RAB2A: variants seen among roughly 807,000 people sequenced by gnomAD.
RAB2A encodes ras-related protein Rab-2A.
RAB2A carries 7 observed loss-of-function variants against 32.5 expected under a neutral mutation model. The observed-to-expected ratio is 0.22, with a 90% CI of 0.12 to 0.40. The LOEUF is 0.40. Ranked by LOEUF, RAB2A falls within the 10% of genes least tolerant of loss-of-function variation. The probability of loss-of-function intolerance (pLI) is 1.00; values close to 1 mark genes in which losing one functional copy is unlikely to be tolerated. For missense variants in RAB2A, 108 were observed against 260.7 expected (o/e 0.41, Z 4.03); for synonymous variants, 79 against 85.2 (o/e 0.93, Z 0.40).
At chr8:60,604,889 A>G (rs1415332511) in intron 6 of RAB2A, among the ~76,000 whole-genome samples, 2 of 152,248 alleles carry the variant, frequency 1.3e-5, no homozygotes, top group Non-Finnish European at 2.9e-5. Flanking sequence ...AGTCCATTTC[A>G]GGAGAGGAAT....
chr8:60,618,236 A>G (rs1322631506), intron 6 of RAB2A, among the ~76,000 whole-genome samples: 6 of 152,346 alleles, frequency 3.9e-5, no homozygotes, highest in Non-Finnish European at 7.3e-5. Flanking sequence ...TTCAGCCTTC[A>G]TCTTCGAATA....
At chr8:60,586,893 G>A (rs1396446091) in intron 5 of RAB2A, among the ~76,000 whole-genome samples, 2 of 148,080 alleles carry the variant, frequency 1.4e-5, no homozygotes, top group Non-Finnish European at 3.0e-5. Context: ...TGTGCCACCT[G>A]CACTCCAGCC....
intron 1 of RAB2A, among the ~76,000 whole-genome samples, chr8:60,548,558 A>G (rs1423644768): frequency 8.7e-6 from 1 of 115,412 alleles, no homozygotes; most frequent in African/African-American, 3.7e-5. Flanking sequence ...CTGGCCGGGC[A>G]GAGGGGATCC....
At chr8:60,584,946 AG>A (rs1167070700) in intron 5 of RAB2A, 131 bp downstream of exon 5, 1 of 550,296 alleles carries the variant, frequency 1.8e-6, no homozygotes, top group East Asian at 3.3e-5. Context: ...GGAAATTCTA[AG>A]GTGTTTCTTT....
intron 1 of RAB2A, chr8:60,551,882 G>T (rs1807854094): frequency 1.0e-5 from 1 of 96,702 alleles, no homozygotes; most frequent in Non-Finnish European, 2.0e-5. Context: ...TTTTTTTTTG[G>T]AGACAGAGCC....
intron 5 of RAB2A, among the ~76,000 whole-genome samples, chr8:60,587,210 A>C (rs1375675499): frequency 2.0e-5 from 3 of 152,156 alleles, no homozygotes; most frequent in African/African-American, 7.2e-5. Flanking sequence ...AAGTAGATTC[A>C]TATATATATG....
At chr8:60,534,372 T>C (rs1807526677) in intron 1 of RAB2A, among the ~76,000 whole-genome samples, 1 of 152,114 alleles carries the variant, frequency 6.6e-6, no homozygotes, top group Non-Finnish European at 1.5e-5. Context: ...GGTAGGAGGA[T>C]TGCTTGAGGC....
chr8:60,572,194 T>G, intron 3 of RAB2A, 81 bp downstream of exon 3: 1 of 1,058,762 alleles, frequency 9.4e-7, no homozygotes, highest in Non-Finnish European at 1.4e-6. Flanking sequence ...TTAATGTTAT[T>G]ATATGCCTGT....
At chr8:60,617,575 T>C (rs1292414350) in intron 6 of RAB2A, among the ~76,000 whole-genome samples, 1 of 152,102 alleles carries the variant, frequency 6.6e-6, no homozygotes, top group East Asian at 1.9e-4. Flanking sequence ...ATAAAATTGA[T>C]GCTTTTAAAC....
intron 1 of RAB2A, among the ~76,000 whole-genome samples, chr8:60,520,908 C>T (rs1038089293): frequency 2.6e-5 from 4 of 152,174 alleles, no homozygotes; most frequent in Non-Finnish European, 5.9e-5. Flanking sequence ...CTTCAGTCTC[C>T]TGGGCCTAAG....
chr8:60,590,756 A>G (rs1366212364), intron 5 of RAB2A, among the ~76,000 whole-genome samples: 1 of 151,834 alleles, frequency 6.6e-6, no homozygotes, highest in Middle Eastern at 3.2e-3. Flanking sequence ...TTATATGGAT[A>G]AATTTGAAAA....
rs1259636299 is a variant in RAB2A at position 60,558,937 on chromosome 8, A to G, written c.118+14A>G. 6.3e-7 allele frequency: 1 copy of G among 1,584,056 alleles called. No individual in the cohort carries two copies. The highest frequency in any genetic ancestry group is 1.3e-5 in the African/African-American group (1 of 74,154). On this transcript the variant is annotated intron_variant, in intron 2 of 7. Coordinates refer to ENST00000262646, the MANE Select transcript of RAB2A (RefSeq NM_002865.3). ...ACCTTACTATTGGTAAGTTTTATAAAAGGGATGAGAAGCACTAAAAGTTTT... is the reference window on the plus strand; with the variant it reads ...ACCTTACTATTGGTAAGTTTTATAAGAGGGATGAGAAGCACTAAAAGTTTT...
chr8:60,583,918 C>A, intron 3 of RAB2A: 1 of 257,168 alleles, frequency 3.9e-6, no homozygotes, highest in Non-Finnish European at 7.8e-6. Context: ...TATTGTGAAG[C>A]CATTCAGTAA....
chr8:60,547,209 G>T (rs1307229651), intron 1 of RAB2A, among the ~76,000 whole-genome samples: 10 of 152,154 alleles, frequency 6.6e-5, no homozygotes, highest in African/African-American at 2.2e-4. Context: ...ACACAGGGTT[G>T]GGGGTAAGGT....
chr8:60,589,004 A>G (rs1042219441), intron 5 of RAB2A, among the ~76,000 whole-genome samples: 2 of 152,218 alleles, frequency 1.3e-5, no homozygotes, highest in South Asian at 4.1e-4. Flanking sequence ...ATTCTTTTCC[A>G]CATTTAAATC....
intron 1 of RAB2A, among the ~76,000 whole-genome samples, chr8:60,554,044 ATC>A (rs1197286694): frequency 6.6e-6 from 1 of 152,208 alleles, no homozygotes; most frequent in Non-Finnish European, 1.5e-5. Context: ...CATAGTATTA[ATC>A]TCTTAGAGTA....
chr8:60,540,121 T>C (rs1417326528), intron 1 of RAB2A, among the ~76,000 whole-genome samples: 1 of 150,828 alleles, frequency 6.6e-6, no homozygotes, highest in African/African-American at 2.4e-5. Context: ...TATATATTCA[T>C]ATTTTAATAT....
At chr8:60,539,950 G>T (rs1041955186) in intron 1 of RAB2A, among the ~76,000 whole-genome samples, 3 of 151,970 alleles carry the variant, frequency 2.0e-5, no homozygotes, top group East Asian at 1.9e-4. Flanking sequence ...GAGAAATAAG[G>T]CTGGAAAGAT....
At chr8:60,584,130 T>C in intron 3 of RAB2A, 78 bp from the exon 4 acceptor site, 1 of 1,190,922 alleles carries the variant, frequency 8.4e-7, no homozygotes, top group Admixed American at 1.8e-5. Flanking sequence ...TACCTGCTCT[T>C]ATTCTGTATA....
Sources: gnomAD v4.1 joint callset for allele counts (sites outside exome capture counted in the v4.1 genomes callset) on GRCh38, gnomAD v4.1.1 for gene constraint, MANE v1.5 for transcripts, NCBI Gene and HGNC (gene_info 2026-07-23, HGNC 2026-07-21) for gene names.